Variants in CCT8 observed in about 807,000 individuals in gnomAD.
CCT8 encodes the protein chaperonin containing TCP1 subunit 8.
A neutral mutation model predicts 65.7 loss-of-function variants in CCT8; 10 were observed. The observed-to-expected ratio is 0.15, with a 90% confidence interval of 0.09 to 0.26. The LOEUF (loss-of-function observed/expected upper bound fraction) is 0.26, where lower values mean the gene tolerates loss of function less well. Ranked by LOEUF, CCT8 falls within the 10% of genes least tolerant of loss-of-function variation. The probability of loss-of-function intolerance (pLI) is 1.00; values close to 1 mark genes in which losing one functional copy is unlikely to be tolerated. For synonymous variants in CCT8, 199 were observed against 221.8 expected (o/e 0.90, Z 0.92); for missense variants, 568 against 669.1 (o/e 0.85, Z 1.67).
chr21:29,057,801 C>T (rs867903615), intron 14 of CCT8, among the ~76,000 whole-genome samples: 4 of 131,466 alleles, frequency 3.0e-5, no homozygotes, highest in South Asian at 2.2e-4. Context: ...ATGATATATA[C>T]ATATGTATGA....
intron 14 of CCT8, among the ~76,000 whole-genome samples, chr21:29,057,166 C>CT (rs10708433): frequency 1.4e-3 from 195 of 139,012 alleles, no homozygotes; most frequent in Middle Eastern, 3.7e-3. Context: ...TAGGTTTTAG[C>CT]TTTTTTTTTT....
At position 29,070,366 on chromosome 21, in the gene CCT8, G is replaced by A. The variant is rs533150683; in HGVS notation, c.61-29C>T. 4.3e-5 allele frequency: 62 copies of A among 1,434,504 alleles called. 1 individual carries two copies. In the South Asian group the frequency reaches 6.2e-4, roughly 14 times the overall value. The allele number at this position is 1,434,504 out of a possible 1,614,324, so 88.9% of individuals were successfully genotyped here. ...TTAAAAAAAACAAACAAAAAACCCCGCTAATTAGACAGGACAGTGAAACAA... is the reference window on the plus strand; with the variant it reads ...TTAAAAAAAACAAACAAAAAACCCCACTAATTAGACAGGACAGTGAAACAA... On this transcript the variant is annotated intron_variant, in intron 1 of 14. Coordinates refer to ENST00000286788, the MANE Select transcript of CCT8 (RefSeq NM_006585.4).
At chr21:29,058,930 A>G (rs578247162) in intron 14 of CCT8, among the ~76,000 whole-genome samples, 2 of 151,816 alleles carry the variant, frequency 1.3e-5, no homozygotes, top group African/African-American at 4.8e-5. Context: ...TTAGTTTTTT[A>G]AAAGATGGAG....
chr21:29,061,186 C>T lies in CCT8; in HGVS notation c.1449+67G>A, dbSNP rs562743073. 8 of 1,238,196 alleles carry T rather than the reference C, an allele frequency of 6.5e-6. No homozygotes were observed. In the Admixed American group the frequency reaches 7.7e-5, roughly 12 times the overall value. 76.7% of individuals were successfully genotyped at this position (1,238,196 alleles called of 1,614,324 possible). On this transcript the variant is annotated intron_variant, in intron 13 of 14. Transcript: ENST00000286788. ...GTTTCTCATTGATATTTCTTTTAAA[C>T]TCATACTATTTTTAGGTTGTGCATT...
intron 11 of CCT8, among the ~76,000 whole-genome samples, 195 bp downstream of exon 11, chr21:29,061,933 A>G (rs1375798991): frequency 6.6e-6 from 1 of 152,218 alleles, no homozygotes; most frequent in Admixed American, 6.5e-5. Context: ...CCTCTGTACA[A>G]TCTTTTTTGG....
chr21:29,063,400 G>A lies in CCT8; in HGVS notation c.893C>T (p.Ala298Val). The A allele has an allele frequency of 6.2e-7, 1 of 1,613,790 alleles. No individual in the cohort carries two copies. Among genetic ancestry groups the A allele is most frequent in the East Asian group, 2.2e-5 (1 of 44,870 alleles). Reference protein sequence around the residue: ...ANVVVTGGKVADMALHYANKY... With the variant: ...ANVVVTGGKVVDMALHYANKY... The stretch of plus-strand genomic sequence containing the variant: ...ATTTGCATAATGAAGAGCCATGTCT[G>A]CCACTTTGCCACCTGTTACTACGAC... Residue 298 changes from alanine to valine, a missense_variant, in exon 8 of 15, where the codon GCA (alanine) becomes GTA (valine). Ala to Val is a moderately conservative substitution (Grantham distance 64). Coordinates refer to ENST00000286788, the MANE Select transcript of CCT8 (RefSeq NM_006585.4).
At chr21:29,068,453 T>G (rs2085647175) in intron 3 of CCT8, among the ~76,000 whole-genome samples, 1 of 152,000 alleles carries the variant, frequency 6.6e-6, no homozygotes, top group Admixed American at 6.5e-5. Context: ...TTTATATATA[T>G]AATATGTATT....
At chr21:29,073,470 G>C (rs529782941) in intron 1 of CCT8, 61 bp downstream of exon 1, 1 of 1,611,692 alleles carries the variant, frequency 6.2e-7, no homozygotes, top group Admixed American at 1.7e-5. Flanking sequence ...CTCCTACTTC[G>C]CCGCGGCCGC....
chr21:29,068,644 T>C (rs1007020435), intron 3 of CCT8, among the ~76,000 whole-genome samples: 5 of 152,082 alleles, frequency 3.3e-5, no homozygotes, highest in Non-Finnish European at 5.9e-5. Flanking sequence ...TCTGTATTTT[T>C]AGTAGAGATG....
At chr21:29,065,230 C>A in intron 6 of CCT8, 125 bp from the exon 7 acceptor site, 1 of 968,530 alleles carries the variant, frequency 1.0e-6, no homozygotes, top group East Asian at 2.5e-5. Context: ...GGCAGTGACT[C>A]CTGGGATAAG....
At chr21:29,061,716 T>C in intron 11 of CCT8, 149 bp from the exon 12 acceptor site, 1 of 836,050 alleles carries the variant, frequency 1.2e-6, no homozygotes. Context: ...TATTACAAAT[T>C]TGGTAAAAAT....
chr21:29,061,590 A>G, intron 11 of CCT8, 23 bp from the exon 12 acceptor site: 1 of 1,601,810 alleles, frequency 6.2e-7, no homozygotes. Flanking sequence ...CCCCCACCAA[A>G]AAAAAAATGA....
intron 1 of CCT8, 72 bp downstream of exon 1, chr21:29,073,459 C>A (rs2085706833): frequency 6.2e-7 from 1 of 1,610,008 alleles, no homozygotes; most frequent in African/African-American, 1.3e-5. Context: ...GTTAGTAGGC[C>A]CTCCTACTTC....
At position 29,067,721 on chromosome 21, in the gene CCT8, A is replaced by G. The variant is rs2085639598; in HGVS notation, c.232-16T>C. 4.5e-6 allele frequency: 6 copies of G among 1,338,622 alleles called. No homozygotes were observed. The highest frequency in any genetic ancestry group is 4.0e-4 in the Middle Eastern group (2 of 5,000). 82.9% of individuals were successfully genotyped at this position (1,338,622 alleles called of 1,614,324 possible). ...GATGCTGTACCTAGTAGAAAAGGTA[A>G]TATCAAGTTAAACATCTGATCCTTA... On this transcript the variant is annotated splice_polypyrimidine_tract_variant and intron_variant, in intron 3 of 14. Coordinates refer to ENST00000286788, the MANE Select transcript of CCT8 (RefSeq NM_006585.4).
At position 29,056,558 on chromosome 21, in the gene CCT8, TA is replaced by T; in HGVS notation, c.1570-7del. On this transcript the variant is annotated splice_polypyrimidine_tract_variant and splice_region_variant and intron_variant, in intron 14 of 14. Transcript: ENST00000286788. ...GCTGGTTTTGCCATGATGATCTGCA[TA>T]AAAAAGAATCACACAAGAGTATGCT... 6.5e-7 allele frequency: 1 copy of T among 1,541,772 alleles called. No homozygotes were observed.
chr21:29,069,768 T>C (rs959082924), intron 2 of CCT8, among the ~76,000 whole-genome samples: 1 of 152,242 alleles, frequency 6.6e-6, no homozygotes, highest in Non-Finnish European at 1.5e-5. Flanking sequence ...TGCCAATTTC[T>C]ATCTTCTGTT....
Position 29,069,458 on chromosome 21 carries a change from T to C in CCT8, c.196A>G (p.Thr66Ala), listed in dbSNP as rs765554709. 3 of 1,586,482 alleles carry C rather than the reference T, an allele frequency of 1.9e-6. No individual in the cohort carries two copies. In the Admixed American group the frequency reaches 5.4e-5, roughly 29 times the overall value. Residue 66 changes from threonine to alanine, a missense_variant, in exon 3 of 15, where the codon ACA becomes GCA. Transcript: ENST00000286788. Reference sequence around the variant, plus strand: ...CTTAAAATAGTTGCTGCATCGTTTGTCACAAACAACTTCTCCAAGTGGTTG... The same window carrying C: ...CTTAAAATAGTTGCTGCATCGTTTGCCACAAACAACTTCTCCAAGTGGTTG... Reference protein sequence around the residue: ...VINHLEKLFVTNDAATILREL... With the variant: ...VINHLEKLFVANDAATILREL...
At chr21:29,069,067 G>C (rs2085654768) in intron 3 of CCT8, among the ~76,000 whole-genome samples, 1 of 152,012 alleles carries the variant, frequency 6.6e-6, no homozygotes, top group African/African-American at 2.4e-5. Flanking sequence ...AAAACCAAAT[G>C]GTTGGATCTT....
chr21:29,071,059 T>C (rs887454783), intron 1 of CCT8, among the ~76,000 whole-genome samples: 1 of 152,246 alleles, frequency 6.6e-6, no homozygotes, highest in Admixed American at 6.5e-5. Context: ...TGAGGTTTAC[T>C]TGGGTCCTCA....
Sources: gnomAD v4.1 joint callset for allele counts (sites outside exome capture counted in the v4.1 genomes callset) on GRCh38, gnomAD v4.1.1 for gene constraint, MANE v1.5 for transcripts, NCBI Gene and HGNC (gene_info 2026-07-23, HGNC 2026-07-21) for gene names.